Variants in AGBL1 observed in about 807,000 individuals in gnomAD.
The protein encoded by AGBL1 is cytosolic carboxypeptidase 4.
In AGBL1, 130 loss-of-function variants were observed where a neutral mutation model predicts 118.9. The observed-to-expected ratio is 1.09, with a 90% CI of 0.95 to 1.26. AGBL1 has a LOEUF of 1.26. Among genes scored for constraint, AGBL1 ranks in the 50% most tolerant of loss-of-function variants. AGBL1 has a pLI of 0.00. For synonymous variants in AGBL1, 555 were observed against 478.9 expected, an observed-to-expected ratio of 1.16 and a Z score of -2.08; for missense variants, 1,584 against 1,298.1, an observed-to-expected ratio of 1.22 and a Z score of -3.38.
Position 86,915,393 on chromosome 15 carries a change from C to A in AGBL1, c.*8099C>A, listed in dbSNP as rs2080406471. ...CAGCCACTACGTAATTTTCTGGTCT[C>A]TTCTCTTGACATCAGCCCCTGTTAA... is the stretch of plus-strand genomic sequence containing the variant. On this transcript the variant is annotated 3_prime_UTR_variant, in exon 23 of 23. Coordinates refer to ENST00000614907, the MANE Select transcript of AGBL1 (RefSeq NM_001386094.1). 6.6e-6 allele frequency: 1 copy of A among 152,220 alleles called. No individual in the cohort carries two copies. The highest frequency in any genetic ancestry group is 1.5e-5 in the Non-Finnish European group (1 of 68,056). 9.4% of individuals were successfully genotyped at this position (152,220 alleles called of 1,614,324 possible). A position where few individuals can be genotyped will look rare whatever the true frequency, so the allele number is the denominator to read the frequency against.
chr15:86,887,420 ACTGAGCTC>A (rs2079986734), intron 22 of AGBL1, among the ~76,000 whole-genome samples: 1 of 152,204 alleles, frequency 6.6e-6, no homozygotes, highest in Non-Finnish European at 1.5e-5. Flanking sequence ...CTCAGACTTC[ACTGAGCTC>A]AACAGGGCTT....
intron 22 of AGBL1, among the ~76,000 whole-genome samples, chr15:86,822,132 G>A (rs190640618): frequency 4.6e-4 from 70 of 152,248 alleles, no homozygotes; most frequent in Non-Finnish European, 6.2e-4. Context: ...ATAAAAAATG[G>A]AAGTTCGTGA....
chr15:86,341,401 C>A (rs574590734), intron 17 of AGBL1, among the ~76,000 whole-genome samples: 1 of 152,282 alleles, frequency 6.6e-6, no homozygotes, highest in Non-Finnish European at 1.5e-5. Flanking sequence ...AACCAACCTA[C>A]CCTGAGGTCA....
chr15:86,275,138 C>A (rs77802255), intron 15 of AGBL1, among the ~76,000 whole-genome samples: 347 of 152,278 alleles, frequency 2.3e-3, no homozygotes, highest in African/African-American at 7.9e-3. Flanking sequence ...TTTTTGAATT[C>A]TCTCCCAGCT....
intron 22 of AGBL1, among the ~76,000 whole-genome samples, chr15:86,745,959 G>C (rs916169844): frequency 6.6e-6 from 1 of 152,020 alleles, no homozygotes; most frequent in South Asian, 2.1e-4. Context: ...TCTCTTTCAG[G>C]TAGAGAATAC....
chr15:86,923,740 G>A (rs1244713127), intron 23 of AGBL1, among the ~76,000 whole-genome samples: 1 of 151,932 alleles, frequency 6.6e-6, no homozygotes. Context: ...TTTGTTTATG[G>A]ATATTATCTG....
rs569547891 is a variant in AGBL1, at chr15:86,732,542, T to C, written c.3158+58106T>C. The stretch of plus-strand genomic sequence containing the variant: ...AGTTCCTTGTAGTTAAGAACCACGA[T>C]TGATTTGAAATGTGGAGATTAAGAA... On this transcript the variant is annotated intron_variant, in intron 22 of 22. Coordinates refer to ENST00000614907, the MANE Select transcript of AGBL1 (RefSeq NM_001386094.1). Among the ~76,000 whole-genome samples the C allele has an allele frequency of 2.6e-5, 4 of 152,334 alleles. No individual in the cohort carries two copies. The East Asian group carries it at 5.8e-4, about 22-fold the overall frequency.
chr15:86,413,461 A>T (rs545779189), intron 18 of AGBL1, among the ~76,000 whole-genome samples: 121 of 152,322 alleles, frequency 7.9e-4, no homozygotes, highest in African/African-American at 2.9e-3. Context: ...GCTGTCTTCC[A>T]TAGGGATAAT....
At chr15:86,499,821 G>A (rs1242501179) in intron 18 of AGBL1, among the ~76,000 whole-genome samples, 1 of 151,908 alleles carries the variant, frequency 6.6e-6, no homozygotes, top group Non-Finnish European at 1.5e-5. Flanking sequence ...TTAGCAGTCA[G>A]TAGACACAGT....
chr15:86,788,005 A>G (rs2078438995), intron 22 of AGBL1, among the ~76,000 whole-genome samples: 1 of 152,212 alleles, frequency 6.6e-6, no homozygotes, highest in Non-Finnish European at 1.5e-5. Context: ...ACCTTCTTGA[A>G]CATAAGAAAG....
intron 21 of AGBL1, among the ~76,000 whole-genome samples, chr15:86,621,312 G>A (rs11857763): frequency 0.45 from 68,405 of 152,030 alleles, 16,750 homozygotes; most frequent in African/African-American, 0.63. Flanking sequence ...TTGCTCTGCC[G>A]TTACCAGCCC....
At chr15:86,700,384 T>A (rs1468470443) in intron 22 of AGBL1, among the ~76,000 whole-genome samples, 2 of 151,874 alleles carry the variant, frequency 1.3e-5, no homozygotes, top group African/African-American at 4.8e-5. Flanking sequence ...CACCCATTTT[T>A]AAATAATGCT....
rs80006437 is a variant in AGBL1, at chr15:86,868,948, C to T, written c.3159-38139C>T. On this transcript the variant is annotated intron_variant, in intron 22 of 22. Transcript: ENST00000614907. Reference sequence around the variant, plus strand: ...ATAATGAAAGAAAGTGGCACGTCCACCTTGGCTTACAGCTAGGACATTCCC... The same window carrying T: ...ATAATGAAAGAAAGTGGCACGTCCATCTTGGCTTACAGCTAGGACATTCCC... Among the ~76,000 whole-genome samples, 719 of 152,310 alleles carry T rather than the reference C, an allele frequency of 4.7e-3. 8 individuals carry two copies. The highest frequency in any genetic ancestry group is 0.017 in the African/African-American group (691 of 41,564).
chr15:86,647,623 C>G (rs954698399), intron 21 of AGBL1, among the ~76,000 whole-genome samples: 1 of 152,166 alleles, frequency 6.6e-6, no homozygotes, highest in Non-Finnish European at 1.5e-5. Context: ...ATTGCTTGAA[C>G]CTAGGAGGCG....
chr15:86,928,670 A>T (rs2080573153), intron 23 of AGBL1, among the ~76,000 whole-genome samples: 1 of 152,058 alleles, frequency 6.6e-6, no homozygotes, highest in African/African-American at 2.4e-5. Context: ...TATGAATTAT[A>T]TCCTTTTGGT....
chr15:86,496,449 G>A (rs1009662278), intron 18 of AGBL1, among the ~76,000 whole-genome samples: 1 of 151,960 alleles, frequency 6.6e-6, no homozygotes, highest in African/African-American at 2.4e-5. Context: ...TATGCATCCA[G>A]CAGAGATGAT....
At chr15:86,821,021 C>A (rs549141671) in intron 22 of AGBL1, among the ~76,000 whole-genome samples, 1 of 152,188 alleles carries the variant, frequency 6.6e-6, no homozygotes, top group South Asian at 2.1e-4. Context: ...GAGTTCATGT[C>A]CTTTGCAGGG....
chr15:86,860,065 A>G (rs933098511), intron 22 of AGBL1, among the ~76,000 whole-genome samples: 2 of 152,102 alleles, frequency 1.3e-5, no homozygotes, highest in Admixed American at 6.6e-5. Flanking sequence ...CTATACTTTA[A>G]TGATTGATTT....
chr15:86,509,641 T>G (rs2083028393), intron 18 of AGBL1, among the ~76,000 whole-genome samples: 1 of 151,258 alleles, frequency 6.6e-6, no homozygotes, highest in African/African-American at 2.4e-5. Flanking sequence ...TAGGAGATAA[T>G]AAATCTTAGA....
Sources: allele counts gnomAD v4.1 joint callset (sites outside exome capture counted in the v4.1 genomes callset), GRCh38; gene constraint gnomAD v4.1.1; transcripts MANE v1.5; gene names NCBI Gene and HGNC (gene_info 2026-07-23, HGNC 2026-07-21).